The following OXR1 variants were observed in gnomAD, a reference collection of about 807,000 sequenced individuals.
OXR1 encodes oxidation resistance 1, also known as oxidation resistance protein 1.
Under a neutral mutation model 104.6 loss-of-function variants are expected in OXR1, and 41 were observed. That is an observed-to-expected ratio of 0.39 (90% CI 0.31 to 0.51). OXR1 has a LOEUF of 0.51. OXR1 is among the 20% of genes least tolerant of loss of function. OXR1 has a pLI of 0.77. For missense variants in OXR1, 955 were observed against 1,031.9 expected, an observed-to-expected ratio of 0.93 and a Z score of 1.02; for synonymous variants, 348 against 348.4, an observed-to-expected ratio of 1.00 and a Z score of 0.01.
intron 1 of OXR1, among the ~76,000 whole-genome samples, chr8:106,295,551 G>T (rs915548500): frequency 7.9e-5 from 12 of 152,006 alleles, no homozygotes; most frequent in African/African-American, 2.9e-4. Flanking sequence ...CTGGGATCTA[G>T]TAATTTTTTT....
intron 2 of OXR1, among the ~76,000 whole-genome samples, chr8:106,478,980 G>A (rs1279152084): frequency 6.6e-6 from 1 of 151,692 alleles, no homozygotes; most frequent in East Asian, 1.9e-4. Flanking sequence ...TTCTCTTCCA[G>A]TCCCATACTT....
intron 3 of OXR1, among the ~76,000 whole-genome samples, chr8:106,594,350 T>C (rs2130715106): frequency 6.6e-6 from 1 of 152,314 alleles, no homozygotes; most frequent in South Asian, 2.1e-4. Context: ...AATTTGAAAT[T>C]AAATGATTAA....
chr8:106,734,342 G>A (rs1193435406), intron 11 of OXR1, among the ~76,000 whole-genome samples: 3 of 152,046 alleles, frequency 2.0e-5, no homozygotes, highest in African/African-American at 7.2e-5. Flanking sequence ...TGCTCTTTTT[G>A]TTTGATACAG....
intron 1 of OXR1, among the ~76,000 whole-genome samples, chr8:106,274,901 C>T (rs1051923062): frequency 2.0e-5 from 3 of 152,182 alleles, no homozygotes; most frequent in Non-Finnish European, 4.4e-5. Context: ...CATTGGACTA[C>T]GTGAAAACCC....
chr8:106,588,072 C>T (rs1045038877), intron 3 of OXR1, among the ~76,000 whole-genome samples: 1 of 152,004 alleles, frequency 6.6e-6, no homozygotes, highest in African/African-American at 2.4e-5. Flanking sequence ...CTGCCTCAGC[C>T]TCCCAAGTAG....
chr8:106,366,573 T>TA (rs1816477432), intron 2 of OXR1, among the ~76,000 whole-genome samples: 2 of 152,162 alleles, frequency 1.3e-5, no homozygotes, highest in South Asian at 4.1e-4. Flanking sequence ...GTTATCCTAG[T>TA]AAAAAAAATA....
chr8:106,561,933 A>C (rs1171917581), intron 3 of OXR1, among the ~76,000 whole-genome samples: 2 of 152,200 alleles, frequency 1.3e-5, no homozygotes, highest in African/African-American at 4.8e-5. Context: ...ATCAACATCA[A>C]CAAAAAGGAC....
At position 106,270,233 on chromosome 8, in the gene OXR1, C is replaced by G. The variant is rs978707552; in HGVS notation, c.-273C>G. On this transcript the variant is annotated 5_prime_UTR_variant, in exon 1 of 17. Transcript: ENST00000517566. ...CAGCGGGGCTAGAGCTGGGCTGCGTCAGGCTGAGCCCATTCACCTCGCGGC... is the reference window on the plus strand; with the variant it reads ...CAGCGGGGCTAGAGCTGGGCTGCGTGAGGCTGAGCCCATTCACCTCGCGGC... 2.6e-5 allele frequency: 4 copies of G among 152,026 alleles called. No homozygotes were observed. Among genetic ancestry groups the G allele is most frequent in the African/African-American group, 9.7e-5 (4 of 41,438 alleles). The allele number at this position is 152,026 out of a possible 1,614,324, so 9.4% of individuals were successfully genotyped here.
At chr8:106,421,019 T>A (rs554541833) in intron 2 of OXR1, among the ~76,000 whole-genome samples, 4 of 152,112 alleles carry the variant, frequency 2.6e-5, no homozygotes, top group African/African-American at 9.7e-5. Flanking sequence ...CCTTCCAATA[T>A]GTATGCATGT....
At chr8:106,370,609 G>A (rs1224446773) in intron 2 of OXR1, among the ~76,000 whole-genome samples, 2 of 152,084 alleles carry the variant, frequency 1.3e-5, no homozygotes, top group Non-Finnish European at 2.9e-5. Context: ...TAACATGAAG[G>A]GATGTTGAAT....
intron 2 of OXR1, among the ~76,000 whole-genome samples, chr8:106,385,780 C>T (rs1817347466): frequency 6.6e-6 from 1 of 152,050 alleles, no homozygotes. Context: ...CAAAATTGTT[C>T]ATTATGTGGG....
In OXR1 at chr8:106,553,559, A is replaced by G. The variant is rs1370438906; in HGVS notation, c.220+34420A>G. Among the ~76,000 whole-genome samples the G allele has an allele frequency of 2.0e-5, 3 of 152,106 alleles. No individual in the cohort carries two copies. In the East Asian group the frequency reaches 5.8e-4, roughly 29 times the overall value. On this transcript the variant is annotated intron_variant, in intron 3 of 16. Transcript: ENST00000517566. Reference sequence around the variant, plus strand: ...GGTCTTGAGCTCCTGAGCTCAAGCGATCCACCTGCCTCGGTCTCCAAAAGT... The same window carrying G: ...GGTCTTGAGCTCCTGAGCTCAAGCGGTCCACCTGCCTCGGTCTCCAAAAGT...
At chr8:106,342,656 G>C (rs562557667) in intron 1 of OXR1, among the ~76,000 whole-genome samples, 69 of 152,060 alleles carry the variant, frequency 4.5e-4, no homozygotes, top group African/African-American at 1.6e-3. Flanking sequence ...TAGTTCATCT[G>C]TGTGCAGCCC....
intron 2 of OXR1, among the ~76,000 whole-genome samples, chr8:106,485,530 C>T (rs1029511465): frequency 2.0e-5 from 3 of 151,998 alleles, no homozygotes; most frequent in Admixed American, 1.3e-4. Flanking sequence ...GAAAACTGTT[C>T]ACCTATTTCA....
intron 3 of OXR1, among the ~76,000 whole-genome samples, chr8:106,659,005 A>C (rs1825471577): frequency 6.6e-6 from 1 of 152,208 alleles, no homozygotes; most frequent in South Asian, 2.1e-4. Context: ...TAATTGCTTT[A>C]ATATTTGAGG....
chr8:106,393,031 A>G (rs1424054066), intron 2 of OXR1, among the ~76,000 whole-genome samples: 1 of 152,168 alleles, frequency 6.6e-6, no homozygotes, highest in Non-Finnish European at 1.5e-5. Context: ...ATCCTTCTCC[A>G]ACTTCTCCAC....
Position 106,436,788 on chromosome 8 carries a change from C to A in OXR1, c.23+77152C>A, listed in dbSNP as rs146961664. ...TACAGGCTCACATCCTCTCTGGTCA[C>A]CCTAGAAGACCAGCCATGCCTCTCT... is the stretch of plus-strand genomic sequence containing the variant. On this transcript the variant is annotated intron_variant, in intron 2 of 16. Transcript: ENST00000517566. Among the ~76,000 whole-genome samples the A allele has an allele frequency of 1.4e-3, 218 of 152,238 alleles. 1 individual carries two copies. Among genetic ancestry groups the A allele is most frequent in the African/African-American group, 4.1e-3 (169 of 41,552 alleles).
intron 2 of OXR1, among the ~76,000 whole-genome samples, chr8:106,409,858 C>T (rs559085680): frequency 1.3e-5 from 2 of 152,120 alleles, no homozygotes; most frequent in South Asian, 2.1e-4. Context: ...TGATTTTTCT[C>T]CTTAGAGAAT....
At chr8:106,358,937 ATAATT>A (rs1447944117) in intron 1 of OXR1, among the ~76,000 whole-genome samples, 1 of 150,116 alleles carries the variant, frequency 6.7e-6, no homozygotes, top group East Asian at 1.9e-4. Context: ...AATTTAGTGA[ATAATT>A]TAATTCACCG....
Sources: gnomAD v4.1 joint callset for allele counts (sites outside exome capture counted in the v4.1 genomes callset) on GRCh38, gnomAD v4.1.1 for gene constraint, MANE v1.5 for transcripts, NCBI Gene and HGNC (gene_info 2026-07-23, HGNC 2026-07-21) for gene names.